BAALC: variants seen among roughly 807,000 people sequenced by gnomAD.
BAALC encodes BAALC binder of MAP3K1 and KLF4.
Under a neutral mutation model 15.5 loss-of-function variants are expected in BAALC, and 9 were observed. The ratio of observed to expected loss-of-function variants is 0.58; its 90% CI spans 0.35 to 1.02. BAALC has a LOEUF of 1.02. BAALC is among the 50% of genes least tolerant of loss of function. The pLI is 0.02. For missense variants in BAALC, 201 were observed against 192.4 expected, an observed-to-expected ratio of 1.04 and a Z score of -0.27; for synonymous variants, 80 against 74.6, an observed-to-expected ratio of 1.07 and a Z score of -0.37.
intron 1 of BAALC, among the ~76,000 whole-genome samples, chr8:103,176,407 T>C (rs1245103166): frequency 1.3e-5 from 2 of 150,942 alleles, no homozygotes; most frequent in Non-Finnish European, 2.9e-5. Context: ...TGCAGGGTAA[T>C]AGATTTAAAA....
intron 1 of BAALC, among the ~76,000 whole-genome samples, chr8:103,212,374 A>G (rs943883716): frequency 4.6e-5 from 7 of 152,250 alleles, no homozygotes; most frequent in African/African-American, 1.7e-4. Context: ...CTTGAGCCCA[A>G]GAGTTTGAGA....
intron 1 of BAALC, among the ~76,000 whole-genome samples, chr8:103,159,330 A>C (rs1412266894): frequency 6.6e-6 from 1 of 152,242 alleles, no homozygotes; most frequent in Non-Finnish European, 1.5e-5. Flanking sequence ...CATTGCCTAC[A>C]TCAATTATTT....
intron 1 of BAALC, chr8:103,198,157 T>C (rs1812137463): frequency 1.4e-6 from 1 of 701,536 alleles, no homozygotes; most frequent in Non-Finnish European, 2.6e-6. Context: ...ATCCCAACCA[T>C]TGATTTAAAA....
At position 103,195,421 on chromosome 8, in the gene BAALC, G is replaced by A. The variant is rs148492567; in HGVS notation, c.161-17498G>A. Reference sequence around the variant, plus strand: ...CAGCACAAACCCCTAAATGGCAAATGCAATCGCTCATAACTTCATGAGGAA... The same window carrying A: ...CAGCACAAACCCCTAAATGGCAAATACAATCGCTCATAACTTCATGAGGAA... On this transcript the variant is annotated intron_variant, in intron 1 of 2. Coordinates refer to ENST00000309982, the MANE Select transcript of BAALC (RefSeq NM_024812.3). 6.7e-4 allele frequency among the ~76,000 whole-genome samples: 102 copies of A among 152,312 alleles called. 1 individual carries two copies. Among genetic ancestry groups the A allele is most frequent in the Non-Finnish European group, 1.1e-3 (77 of 68,026 alleles).
chr8:103,216,943 G>A lies in BAALC; in HGVS notation c.327+3858G>A, dbSNP rs182964707. ...ATAGCTAGGGAAAGCATGCCCCCAT[G>A]CCGCACATACACACACACCCCACAC... On this transcript the variant is annotated intron_variant, in intron 2 of 2. Transcript: ENST00000309982. Among the ~76,000 whole-genome samples, 29 of 152,266 alleles carry A rather than the reference G, an allele frequency of 1.9e-4. 1 individual carries two copies. In the East Asian group the frequency reaches 5.2e-3, roughly 27 times the overall value.
chr8:103,194,592 T>C (rs940759610), intron 1 of BAALC, among the ~76,000 whole-genome samples: 13 of 152,204 alleles, frequency 8.5e-5, no homozygotes, highest in African/African-American at 3.1e-4. Flanking sequence ...GGTCAGATTC[T>C]CAGCTGTCAG....
chr8:103,190,669 C>T (rs1811946212), intron 1 of BAALC, among the ~76,000 whole-genome samples: 3 of 152,174 alleles, frequency 2.0e-5, no homozygotes. Flanking sequence ...TTCCTTTAGT[C>T]TAATGGCACT....
intron 1 of BAALC, among the ~76,000 whole-genome samples, chr8:103,161,267 G>A (rs992697834): frequency 3.4e-5 from 5 of 147,558 alleles, no homozygotes; most frequent in African/African-American, 1.2e-4. Flanking sequence ...CATTTTATTA[G>A]TTTTTGGTTT....
At chr8:103,212,034 G>A (rs996705873) in intron 1 of BAALC, among the ~76,000 whole-genome samples, 1 of 152,102 alleles carries the variant, frequency 6.6e-6, no homozygotes, top group Non-Finnish European at 1.5e-5. Flanking sequence ...TAACTCCTCA[G>A]TGTAGTCCTC....
intron 1 of BAALC, among the ~76,000 whole-genome samples, chr8:103,196,201 C>A (rs1346222126): frequency 6.6e-6 from 1 of 152,132 alleles, no homozygotes; most frequent in Non-Finnish European, 1.5e-5. Context: ...ACATAGGGAT[C>A]GGTATGTCTA....
chr8:103,154,332 G>T (rs1254244337), intron 1 of BAALC, among the ~76,000 whole-genome samples: 1 of 152,016 alleles, frequency 6.6e-6, no homozygotes, highest in Non-Finnish European at 1.5e-5. Flanking sequence ...GAGCCCTGTG[G>T]TCTTTCCTGT....
At chr8:103,216,357 T>C (rs1447347041) in intron 2 of BAALC, among the ~76,000 whole-genome samples, 5 of 152,238 alleles carry the variant, frequency 3.3e-5, no homozygotes, top group Non-Finnish European at 5.9e-5. Context: ...AAAGTGGTTA[T>C]GCTGCTTTAT....
intron 1 of BAALC, among the ~76,000 whole-genome samples, chr8:103,175,626 T>C (rs539317940): frequency 6.6e-6 from 1 of 152,334 alleles, no homozygotes; most frequent in South Asian, 2.1e-4. Flanking sequence ...GGAGTTGAAT[T>C]TGAAGCAGGA....
chr8:103,170,960 A>C (rs903226329), intron 1 of BAALC, among the ~76,000 whole-genome samples: 3 of 152,214 alleles, frequency 2.0e-5, no homozygotes, highest in Non-Finnish European at 4.4e-5. Flanking sequence ...CTTCAACACT[A>C]TAAAATTGTC....
chr8:103,145,051 C>A (rs1485412378), intron 1 of BAALC, among the ~76,000 whole-genome samples: 1 of 152,218 alleles, frequency 6.6e-6, no homozygotes, highest in Non-Finnish European at 1.5e-5. Context: ...GCCTCTACTC[C>A]TAAATACTGC....
At chr8:103,202,114 AC>A (rs1259404789) in intron 1 of BAALC, among the ~76,000 whole-genome samples, 1 of 152,180 alleles carries the variant, frequency 6.6e-6, no homozygotes, top group Non-Finnish European at 1.5e-5. Flanking sequence ...TACATGAAAC[AC>A]CTATTTCTTA....
At chr8:103,149,234 G>A (rs979746605) in intron 1 of BAALC, among the ~76,000 whole-genome samples, 14 of 152,052 alleles carry the variant, frequency 9.2e-5, no homozygotes, top group Admixed American at 9.2e-4. Flanking sequence ...GGAGCCTCCT[G>A]CTAGCATTTA....
At chr8:103,186,156 A>G (rs911589155) in intron 1 of BAALC, among the ~76,000 whole-genome samples, 2 of 152,160 alleles carry the variant, frequency 1.3e-5, no homozygotes, top group African/African-American at 4.8e-5. Flanking sequence ...AACAGCATCC[A>G]AGGAACACTC....
chr8:103,168,831 C>A (rs547070869), intron 1 of BAALC, among the ~76,000 whole-genome samples: 2 of 152,208 alleles, frequency 1.3e-5, no homozygotes, highest in South Asian at 4.2e-4. Flanking sequence ...CCAAGAACAT[C>A]CTCAAGTAGC....
Sources: allele counts gnomAD v4.1 joint callset (sites outside exome capture counted in the v4.1 genomes callset), GRCh38; gene constraint gnomAD v4.1.1; transcripts MANE v1.5; gene names NCBI Gene and HGNC (gene_info 2026-07-23, HGNC 2026-07-21).